Variants in RBM20 observed in about 807,000 individuals in gnomAD.
RBM20 encodes RNA binding motif protein 20, also known as RNA-binding protein 20.
RBM20 carries 51 observed loss-of-function variants against 110.1 expected under a neutral mutation model. The observed-to-expected ratio is 0.46, with a 90% CI of 0.37 to 0.59. RBM20 has a LOEUF of 0.59. Among genes scored for constraint, RBM20 ranks in the 20% least tolerant of loss-of-function variants. The pLI is 0.00. For missense variants in RBM20, 1,512 were observed against 1,574.9 expected (o/e 0.96, Z 0.68); for synonymous variants, 589 against 618.2 (o/e 0.95, Z 0.70).
chr10:110,781,459 G>T lies in RBM20; in HGVS notation c.850G>T (p.Gly284Ter). ...AGCTGCCTTTTCCAAAGATTTTTACGGACCCAACTCCCAAGGTTCACATGT... is the reference window on the plus strand; with the variant it reads ...AGCTGCCTTTTCCAAAGATTTTTACTGACCCAACTCCCAAGGTTCACATGT... ...GQAAFSKDFYGPNSQGSHVAS... is the reference protein window; with the variant it reads ...GQAAFSKDFY The change falls in exon 2 of 14, where the codon GGA (glycine) becomes TGA (stop). Residue 284 changes from glycine (G) to a stop codon, truncating the protein, a stop_gained. Transcript: ENST00000369519. LOFTEE classifies it high-confidence loss of function. 6.4e-7 allele frequency: 1 copy of T among 1,551,448 alleles called. No homozygotes were observed. The highest frequency in any genetic ancestry group is 8.7e-7 in the Non-Finnish European group (1 of 1,146,988).
upstream of RBM20, among the ~76,000 whole-genome samples, chr10:110,643,888 C>T (rs1012350090): frequency 2.0e-5 from 3 of 152,186 alleles, no homozygotes; most frequent in Non-Finnish European, 4.4e-5. Flanking sequence ...ACACTTTGCA[C>T]GGGCGATGCG....
chr10:110,811,680 T>C (rs1321546936), intron 8 of RBM20, among the ~76,000 whole-genome samples: 1 of 151,936 alleles, frequency 6.6e-6, no homozygotes, highest in Non-Finnish European at 1.5e-5. Context: ...TTCCTAATTC[T>C]TTTTTTTAAC....
intron 1 of RBM20, among the ~76,000 whole-genome samples, chr10:110,778,022 C>G (rs774136681): frequency 1.3e-5 from 2 of 152,216 alleles, no homozygotes; most frequent in Admixed American, 6.5e-5. Context: ...TCTTGACCAT[C>G]CATTCTCCTC....
chr10:110,820,309 C>T (rs1844891817), intron 10 of RBM20, 133 bp downstream of exon 10: 4 of 599,104 alleles, frequency 6.7e-6, no homozygotes, highest in Non-Finnish European at 8.8e-6. Context: ...TGAACCAGTC[C>T]TCCTAGCGCT....
intron 7 of RBM20, among the ~76,000 whole-genome samples, chr10:110,804,892 C>T (rs779717896): frequency 6.6e-6 from 1 of 152,168 alleles, no homozygotes; most frequent in African/African-American, 2.4e-5. Flanking sequence ...CAGAGATTCT[C>T]TTCAATAGGC....
intron 5 of RBM20, among the ~76,000 whole-genome samples, chr10:110,788,208 C>G (rs1335078657): frequency 1.3e-5 from 2 of 152,142 alleles, no homozygotes; most frequent in Non-Finnish European, 2.9e-5. Context: ...GTAAGCCCCT[C>G]TCACCTCCCC....
At chr10:110,810,546 T>A (rs1199117778) in intron 8 of RBM20, 84 bp downstream of exon 8, 22 of 963,974 alleles carry the variant, frequency 2.3e-5, no homozygotes, top group Non-Finnish European at 3.5e-5. Context: ...GGCATTTGAG[T>A]CATGCTGTGC....
chr10:110,747,161 A>T (rs1417006067), intron 1 of RBM20, among the ~76,000 whole-genome samples: 1 of 152,222 alleles, frequency 6.6e-6, no homozygotes, highest in African/African-American at 2.4e-5. Context: ...ACTTCTTGCA[A>T]GTCTATAAGT....
At chr10:110,818,346 AT>A (rs1426874379) in intron 9 of RBM20, among the ~76,000 whole-genome samples, 1 of 150,770 alleles carries the variant, frequency 6.6e-6, no homozygotes, top group Non-Finnish European at 1.5e-5. Flanking sequence ...TCATTTTTGC[AT>A]TTTGGAATGA....
intron 1 of RBM20, among the ~76,000 whole-genome samples, chr10:110,689,683 G>A (rs11815350): frequency 0.21 from 31,669 of 152,182 alleles, 3,436 homozygotes; most frequent in East Asian, 0.31. Flanking sequence ...CCTTGTTTCC[G>A]ATGCTTCTAG....
At chr10:110,722,802 C>T (rs1307195452) in intron 1 of RBM20, among the ~76,000 whole-genome samples, 1 of 152,114 alleles carries the variant, frequency 6.6e-6, no homozygotes, top group East Asian at 1.9e-4. Context: ...AGGACATATA[C>T]TGGGGACTTC....
intron 1 of RBM20, among the ~76,000 whole-genome samples, chr10:110,685,217 T>C (rs1282418685): frequency 6.6e-6 from 1 of 152,216 alleles, no homozygotes; most frequent in Non-Finnish European, 1.5e-5. Context: ...AGAAGTTATT[T>C]TGAAAGCGTA....
rs1307469101 is a variant in RBM20, at chr10:110,838,534, C to T, written c.*2556C>T. On this transcript the variant is annotated 3_prime_UTR_variant, in exon 14 of 14. Coordinates refer to ENST00000369519, the MANE Select transcript of RBM20 (RefSeq NM_001134363.3). ...CTTGCTGAACTTTGCTGGAAATAGC[C>T]CACAATTTTTATCAGAGGTTAGAAC... The T allele has an allele frequency of 6.6e-6, 1 of 152,110 alleles. No homozygotes were observed. Among genetic ancestry groups the T allele is most frequent in the Non-Finnish European group, 1.5e-5 (1 of 68,034 alleles). The allele number at this position is 152,110 out of a possible 1,614,324, so 9.4% of individuals were successfully genotyped here. A position where few individuals can be genotyped will look rare whatever the true frequency, so the allele number is the denominator to read the frequency against.
At chr10:110,829,742 C>T (rs1370803638) in intron 12 of RBM20, among the ~76,000 whole-genome samples, 3 of 152,222 alleles carry the variant, frequency 2.0e-5, no homozygotes, top group Non-Finnish European at 4.4e-5. Flanking sequence ...GGCTTGCAGT[C>T]GGTCACGCTG....
In RBM20 at chr10:110,838,059, A is replaced by G. The variant is rs1845155766; in HGVS notation, c.*2081A>G. 6.6e-6 allele frequency: 1 copy of G among 152,242 alleles called. No individual in the cohort carries two copies. The highest frequency in any genetic ancestry group is 2.4e-5 in the African/African-American group (1 of 41,464). The allele number at this position is 152,242 out of a possible 1,614,324, so 9.4% of individuals were successfully genotyped here. On this transcript the variant is annotated 3_prime_UTR_variant, in exon 14 of 14. Transcript: ENST00000369519. ...CCCAAACAGGCCAGTTTTAACCAGC[A>G]TGATGAAGTGTCCTTGGTTTTAACC...
chr10:110,760,937 CA>C (rs936804133), intron 1 of RBM20, among the ~76,000 whole-genome samples: 10 of 147,248 alleles, frequency 6.8e-5, no homozygotes, highest in Admixed American at 2.7e-4. Context: ...ACTAAAAATA[CA>C]AAAAAAAATT....
chr10:110,754,656 T>G (rs1843899934), intron 1 of RBM20, among the ~76,000 whole-genome samples: 1 of 152,268 alleles, frequency 6.6e-6, no homozygotes, highest in African/African-American at 2.4e-5. Context: ...GTTTTTAAAT[T>G]TTTCCTTTCT....
At chr10:110,814,630 G>A (rs1844816295) in intron 9 of RBM20, among the ~76,000 whole-genome samples, 2 of 152,020 alleles carry the variant, frequency 1.3e-5, no homozygotes, top group Admixed American at 1.3e-4. Context: ...TTAGTATTTG[G>A]GATTACAGGA....
intron 1 of RBM20, among the ~76,000 whole-genome samples, chr10:110,777,699 G>A (rs925418649): frequency 1.3e-5 from 2 of 152,222 alleles, no homozygotes; most frequent in Non-Finnish European, 2.9e-5. Flanking sequence ...GGCTTTCCTA[G>A]TTGGAAAGCC....
Sources: allele counts gnomAD v4.1 joint callset (sites outside exome capture counted in the v4.1 genomes callset), GRCh38; gene constraint gnomAD v4.1.1; transcripts MANE v1.5; gene names NCBI Gene and HGNC (gene_info 2026-07-23, HGNC 2026-07-21).